The following WDFY4 variants were observed in gnomAD, a reference collection of about 807,000 sequenced individuals.
The protein encoded by WDFY4 is WDFY family member 4, also known as WD repeat- and FYVE domain-containing protein 4.
Under a neutral mutation model 351.9 loss-of-function variants are expected in WDFY4, and 169 were observed. The ratio of observed to expected loss-of-function variants is 0.48; its 90% CI spans 0.42 to 0.55. WDFY4 has a LOEUF of 0.55. Among genes scored for constraint, WDFY4 ranks in the 20% least tolerant of loss-of-function variants. WDFY4 has a pLI of 0.00. For missense variants in WDFY4, 3,803 were observed against 3,935.6 expected, an observed-to-expected ratio of 0.97 and a Z score of 0.90; for synonymous variants, 1,622 against 1,574.6, an observed-to-expected ratio of 1.03 and a Z score of -0.71.
chr10:48,691,565 C>T (rs900523327), intron 1 of WDFY4, among the ~76,000 whole-genome samples: 5 of 152,242 alleles, frequency 3.3e-5, no homozygotes, highest in Admixed American at 6.5e-5. Flanking sequence ...CCCTTGCCCT[C>T]CCTGCAGTGG....
intron 39 of WDFY4, among the ~76,000 whole-genome samples, chr10:48,846,196 T>G (rs890154386): frequency 6.6e-6 from 1 of 152,236 alleles, no homozygotes; most frequent in African/African-American, 2.4e-5. Flanking sequence ...CAAGTTCATT[T>G]CCTGTCACAT....
chr10:48,692,352 C>G (rs2063218369), intron 1 of WDFY4, among the ~76,000 whole-genome samples: 1 of 152,188 alleles, frequency 6.6e-6, no homozygotes, highest in Admixed American at 6.5e-5. Context: ...GACAGTGCCC[C>G]TAGGTGAGTC....
In WDFY4 at chr10:48,941,747, C is replaced by T. The variant is rs1840776316; in HGVS notation, c.7587-59C>T. 2.0e-6 allele frequency: 3 copies of T among 1,533,830 alleles called. 1 individual carries two copies. The highest frequency in any genetic ancestry group is 2.5e-5 in the East Asian group (1 of 40,738). On this transcript the variant is annotated intron_variant, in intron 47 of 61. Coordinates refer to ENST00000325239, the MANE Select transcript of WDFY4 (RefSeq NM_001394531.1). ...GAAGCCCAGGCAAGCCCCACCTCTC[C>T]CCTGTTTGTATTCTTGCCTTGGTAT... is the stretch of plus-strand genomic sequence containing the variant.
chr10:48,980,954 T>C (rs773935415), intron 60 of WDFY4, among the ~76,000 whole-genome samples: 11 of 152,250 alleles, frequency 7.2e-5, no homozygotes, highest in Non-Finnish European at 8.8e-5. Flanking sequence ...GATAAGTTGA[T>C]AATGCCGACT....
intron 13 of WDFY4, among the ~76,000 whole-genome samples, chr10:48,771,191 A>G (rs1024945360): frequency 2.6e-5 from 4 of 152,242 alleles, no homozygotes; most frequent in African/African-American, 9.6e-5. Flanking sequence ...CAGTGTAAAT[A>G]TCTTTCTTCA....
chr10:48,717,374 C>A (rs1187752160), intron 2 of WDFY4, among the ~76,000 whole-genome samples: 1 of 152,156 alleles, frequency 6.6e-6, no homozygotes, highest in Non-Finnish European at 1.5e-5. Flanking sequence ...AAGCAAATGC[C>A]AACCAAGTCT....
At chr10:48,974,762 A>G in intron 57 of WDFY4, 100 bp from the exon 58 acceptor site, 2 of 1,272,456 alleles carry the variant, frequency 1.6e-6, no homozygotes, top group Admixed American at 2.8e-5. Context: ...CAGAATCTCC[A>G]TTTCCTCATC....
At chr10:48,870,382 T>A (rs575775176) in intron 40 of WDFY4, among the ~76,000 whole-genome samples, 1 of 151,882 alleles carries the variant, frequency 6.6e-6, no homozygotes, top group African/African-American at 2.4e-5. Context: ...AAAAAAGTAG[T>A]TAAAAAGACA....
At chr10:48,757,425 T>G (rs1385380593) in intron 12 of WDFY4, among the ~76,000 whole-genome samples, 2 of 152,076 alleles carry the variant, frequency 1.3e-5, no homozygotes, top group East Asian at 3.8e-4. Context: ...CTGATATGAG[T>G]AGAATTACAC....
At position 48,788,540 on chromosome 10, in the gene WDFY4, G is replaced by C; in HGVS notation, c.3819G>C (p.Leu1273=). ...GATGTGTTGTTACAGGGGAGGACCT[G>C]GACAGTGAAGCCACGCCCTTTGTTG... ...FQAVHVQGED[L]DSEATPFVAE... is the part of the protein sequence containing the mutation. The change falls in exon 21 of 62, where the codon CTG becomes CTC. Residue 1273 remains leucine, a synonymous_variant. Coordinates refer to ENST00000325239, the MANE Select transcript of WDFY4 (RefSeq NM_001394531.1). 6.4e-7 allele frequency: 1 copy of C among 1,552,078 alleles called. No homozygotes were observed. Among genetic ancestry groups the C allele is most frequent in the Non-Finnish European group, 8.7e-7 (1 of 1,147,050 alleles).
intron 47 of WDFY4, among the ~76,000 whole-genome samples, chr10:48,924,634 C>A (rs538050883): frequency 6.6e-6 from 1 of 152,080 alleles, no homozygotes; most frequent in African/African-American, 2.4e-5. Context: ...TTTTTTTATA[C>A]TTTGGAAAAA....
At chr10:48,698,773 C>G (rs1277637429) in intron 1 of WDFY4, among the ~76,000 whole-genome samples, 1 of 152,182 alleles carries the variant, frequency 6.6e-6, no homozygotes, top group Non-Finnish European at 1.5e-5. Flanking sequence ...TTATCCAGGA[C>G]AGCCATGCTG....
intron 20 of WDFY4, among the ~76,000 whole-genome samples, chr10:48,788,156 T>C (rs2066556841): frequency 6.6e-6 from 1 of 151,884 alleles, no homozygotes; most frequent in Non-Finnish European, 1.5e-5. Flanking sequence ...GCCTGCCAAG[T>C]AGCTGGGACT....
At chr10:48,705,139 CTGTT>C (rs1458768069) in intron 1 of WDFY4, among the ~76,000 whole-genome samples, 1 of 152,156 alleles carries the variant, frequency 6.6e-6, no homozygotes, top group Non-Finnish European at 1.5e-5. Context: ...GACGTGGTGT[CTGTT>C]TAACAGGTTG....
At chr10:48,737,061 AC>A (rs1310162160) in intron 11 of WDFY4, among the ~76,000 whole-genome samples, 1 of 152,186 alleles carries the variant, frequency 6.6e-6, no homozygotes, top group African/African-American at 2.4e-5. Flanking sequence ...TTCCTTTTTT[AC>A]ATAGCTTTTG....
At chr10:48,785,323 C>T (rs1464014109) in intron 19 of WDFY4, among the ~76,000 whole-genome samples, 1 of 152,108 alleles carries the variant, frequency 6.6e-6, no homozygotes, top group Non-Finnish European at 1.5e-5. Context: ...TCCTCTTTCA[C>T]ATGGGTAAAA....
chr10:48,864,395 A>G (rs1432665640), intron 39 of WDFY4, among the ~76,000 whole-genome samples: 1 of 152,218 alleles, frequency 6.6e-6, no homozygotes, highest in Non-Finnish European at 1.5e-5. Flanking sequence ...GAATATAGAC[A>G]AATTGTTTTA....
chr10:48,721,109 T>C (rs1442563779), intron 3 of WDFY4, among the ~76,000 whole-genome samples, 152 bp from the exon 4 acceptor site: 1 of 152,088 alleles, frequency 6.6e-6, no homozygotes, highest in African/African-American at 2.4e-5. Context: ...GAGCGTTTGG[T>C]AGAGATGCAG....
At chr10:48,853,595 C>G (rs1489815987) in intron 39 of WDFY4, among the ~76,000 whole-genome samples, 1 of 152,164 alleles carries the variant, frequency 6.6e-6, no homozygotes, top group Non-Finnish European at 1.5e-5. Context: ...TTCATTAAAT[C>G]AATTCTCCAA....
Sources: gnomAD v4.1 joint callset for allele counts (sites outside exome capture counted in the v4.1 genomes callset) on GRCh38, gnomAD v4.1.1 for gene constraint, MANE v1.5 for transcripts, NCBI Gene and HGNC (gene_info 2026-07-23, HGNC 2026-07-21) for gene names.